The following MCF2L variants were observed in gnomAD, a reference collection of about 807,000 sequenced individuals.
MCF2L encodes MCF.2 cell line derived transforming sequence like.
In MCF2L, 97 loss-of-function variants were observed where a neutral mutation model predicts 153.4. The ratio of observed to expected loss-of-function variants is 0.63; its 90% confidence interval spans 0.54 to 0.75. The LOEUF is 0.75. MCF2L is among the 30% of genes least tolerant of loss of function. MCF2L has a pLI of 0.00. For synonymous variants in MCF2L, 659 were observed against 632.2 expected, an observed-to-expected ratio of 1.04 and a Z score of -0.64; for missense variants, 1,347 against 1,495.2, an observed-to-expected ratio of 0.90 and a Z score of 1.64.
intron 1 of MCF2L, among the ~76,000 whole-genome samples, chr13:113,003,398 G>A (rs540088739): frequency 1.1e-4 from 16 of 151,990 alleles, no homozygotes; most frequent in African/African-American, 3.9e-4. Context: ...TTATGGGGTT[G>A]GCTGTGGAGC....
At chr13:112,917,433 C>T (rs1024705854) in intron 2 of MCF2L, 2 of 336,008 alleles carry the variant, frequency 6.0e-6, no homozygotes, top group African/African-American at 4.3e-5. Flanking sequence ...AGCCAGGCTA[C>T]CGCCCTGTCT....
chr13:112,968,038 G>C (rs540161060), upstream of MCF2L: 1 of 219,708 alleles, frequency 4.6e-6, no homozygotes, highest in Non-Finnish European at 9.1e-6. Context: ...TCAAACCTCA[G>C]CCATATGATG....
At chr13:112,958,457 G>A (rs539234537) in intron 2 of MCF2L, among the ~76,000 whole-genome samples, 62 of 152,306 alleles carry the variant, frequency 4.1e-4, no homozygotes, top group African/African-American at 1.1e-3. Context: ...CCAGCTGACC[G>A]CAGGTGTTAA....
chr13:113,019,946 C>T (rs1011229003), intron 2 of MCF2L, among the ~76,000 whole-genome samples: 1 of 152,188 alleles, frequency 6.6e-6, no homozygotes, highest in African/African-American at 2.4e-5. Context: ...TTGTTTGGGC[C>T]TCCCGGCCTA....
chr13:112,944,458 C>T (rs2081614337), intron 2 of MCF2L, among the ~76,000 whole-genome samples: 2 of 151,968 alleles, frequency 1.3e-5, no homozygotes, highest in Non-Finnish European at 2.9e-5. Context: ...TGGGGGATGC[C>T]GCCTGCTCAA....
chr13:113,051,369 C>G (rs2087311248), intron 4 of MCF2L, among the ~76,000 whole-genome samples: 1 of 152,152 alleles, frequency 6.6e-6, no homozygotes, highest in Non-Finnish European at 1.5e-5. Flanking sequence ...GTGGGCGGTG[C>G]CGGTCATGCA....
chr13:113,092,164 C>T (rs1013736345), intron 26 of MCF2L, among the ~76,000 whole-genome samples: 10 of 152,244 alleles, frequency 6.6e-5, no homozygotes, highest in Non-Finnish European at 1.3e-4. Flanking sequence ...GAACTGGAGT[C>T]GGCAGAGCCG....
intron 4 of MCF2L, among the ~76,000 whole-genome samples, chr13:113,057,451 CTGAG>C (rs1226189009): frequency 8.3e-6 from 1 of 119,804 alleles, no homozygotes; most frequent in Admixed American, 8.8e-5. Flanking sequence ...TGAGTGGGTG[CTGAG>C]TGTTTTGGCA....
chr13:113,056,228 C>T (rs1221738876), intron 4 of MCF2L, among the ~76,000 whole-genome samples: 1 of 152,222 alleles, frequency 6.6e-6, no homozygotes, highest in Admixed American at 6.5e-5. Flanking sequence ...GTTTTAATTC[C>T]TACAAGGCAG....
rs1566847093 is a variant in MCF2L, at chr13:113,075,046, A to C, written c.1165A>C (p.Ile389Leu). ...CCTGTCTCTGGACGGCGAGCAGCTC[A>C]TTGGGAACAAGCACTACGCGGTAGA... Reference protein sequence around the residue: ...RALSLDGEQLIGNKHYAVDSI... With the variant: ...RALSLDGEQLLGNKHYAVDSI... The change falls in exon 11 of 30, where the codon ATT becomes CTT. Residue 389 changes from isoleucine (I) to leucine (L), a missense_variant. Transcript: ENST00000535094. The C allele has an allele frequency of 6.2e-7, 1 of 1,612,942 alleles. No individual in the cohort carries two copies. The highest frequency in any genetic ancestry group is 8.5e-7 in the Non-Finnish European group (1 of 1,179,280).
chr13:113,083,600 G>A (rs545299917), intron 17 of MCF2L, among the ~76,000 whole-genome samples: 3 of 152,334 alleles, frequency 2.0e-5, no homozygotes, highest in Non-Finnish European at 4.4e-5. Context: ...GCCTGGGGGC[G>A]GCGCTGCCTA....
intron 4 of MCF2L, among the ~76,000 whole-genome samples, chr13:113,052,106 G>T (rs1002930069): frequency 6.6e-6 from 1 of 152,190 alleles, no homozygotes; most frequent in Non-Finnish European, 1.5e-5. Context: ...GTGACAGATC[G>T]GTTAATTGGC....
intron 3 of MCF2L, among the ~76,000 whole-genome samples, chr13:113,025,592 G>A (rs113794187): frequency 7.7e-3 from 440 of 57,218 alleles, no homozygotes; most frequent in South Asian, 0.028. Flanking sequence ...TGGGGTCCCC[G>A]TGACTGTGGG....
chr13:112,903,393 G>A (rs527652777), intron 2 of MCF2L, among the ~76,000 whole-genome samples: 3 of 152,340 alleles, frequency 2.0e-5, no homozygotes, highest in South Asian at 2.1e-4. Flanking sequence ...CTGCTGCCCT[G>A]AGGGCTGGTG....
intron 1 of MCF2L, among the ~76,000 whole-genome samples, chr13:112,977,219 TG>T (rs890609744): frequency 2.0e-5 from 3 of 152,190 alleles, no homozygotes; most frequent in African/African-American, 7.2e-5. Context: ...AACAGTAGCT[TG>T]GGGCCACATT....
rs760829559 is a variant in MCF2L, at chr13:113,046,563, C to T, written c.369+1202C>T. 1 of 533,390 alleles carries T rather than the reference C, an allele frequency of 1.9e-6. No individual in the cohort carries two copies. Among genetic ancestry groups the T allele is most frequent in the Non-Finnish European group, 3.8e-6 (1 of 259,930 alleles). 33.0% of individuals were successfully genotyped at this position (533,390 alleles called of 1,614,324 possible). On this transcript the variant is annotated intron_variant, in intron 4 of 29. Transcript: ENST00000535094. This position sits in a 1 kb window ranked among gnomAD's most constrained non-coding sequence, Gnocchi z 4.4. ...TATACTGAAAAAAGTCATTCCTTTC[C>T]CCGCACATTGCCTCATTCCTTCATC...
intron 1 of MCF2L, among the ~76,000 whole-genome samples, chr13:113,007,391 CA>C (rs770181629): frequency 1.3e-5 from 2 of 152,244 alleles, no homozygotes; most frequent in Non-Finnish European, 2.9e-5. Context: ...CCCCTGACCC[CA>C]GCGTCCGTGT....
At chr13:112,933,342 C>G (rs1439467570) in intron 2 of MCF2L, among the ~76,000 whole-genome samples, 2 of 152,208 alleles carry the variant, frequency 1.3e-5, no homozygotes, top group Non-Finnish European at 2.9e-5. Flanking sequence ...AAGCTGTGCT[C>G]CAGGAATACT....
At chr13:112,938,278 G>A (rs1455027658) in intron 2 of MCF2L, among the ~76,000 whole-genome samples, 1 of 149,586 alleles carries the variant, frequency 6.7e-6, no homozygotes, top group Non-Finnish European at 1.5e-5. Context: ...GTTCAGGTGA[G>A]CGCTGATGGG....
Sources: gnomAD v4.1 joint callset for allele counts (sites outside exome capture counted in the v4.1 genomes callset) on GRCh38, gnomAD v4.1.1 for gene constraint, Gnocchi (gnomAD v3.1) non-coding constraint, MANE v1.5 for transcripts, NCBI Gene and HGNC (gene_info 2026-07-23, HGNC 2026-07-21) for gene names.